Variants in IQCM observed in about 807,000 individuals in gnomAD.
IQCM encodes the protein IQ domain-containing protein M.
IQCM carries 45 observed loss-of-function variants against 57.6 expected under a neutral mutation model. That is an observed-to-expected ratio of 0.78 (90% CI 0.62 to 1.00). The LOEUF is 1.00. Among genes scored for constraint, IQCM ranks in the 50% least tolerant of loss-of-function variants. The pLI is 0.00. For missense variants in IQCM, 468 were observed against 511.6 expected (o/e 0.91, Z 0.82); for synonymous variants, 148 against 158.9 (o/e 0.93, Z 0.51).
At chr4:149,674,453 A>G (rs1478218805) in intron 7 of IQCM, among the ~76,000 whole-genome samples, 2 of 152,138 alleles carry the variant, frequency 1.3e-5, no homozygotes, top group Non-Finnish European at 2.9e-5. Context: ...CCAGATAAGT[A>G]AAATAGGCAG....
At chr4:149,564,425 T>C (rs1157001556) in intron 9 of IQCM, among the ~76,000 whole-genome samples, 1 of 152,154 alleles carries the variant, frequency 6.6e-6, no homozygotes, top group Non-Finnish European at 1.5e-5. Context: ...AATACGGCTA[T>C]GGGTGACTGT....
intron 7 of IQCM, among the ~76,000 whole-genome samples, chr4:149,660,165 G>T (rs1760042176): frequency 6.6e-6 from 1 of 151,208 alleles, no homozygotes; most frequent in Admixed American, 6.6e-5. Context: ...TCAAAAAGTG[G>T]GTGAAGGATA....
chr4:149,725,613 C>T (rs1462907714), intron 5 of IQCM, among the ~76,000 whole-genome samples: 1 of 151,648 alleles, frequency 6.6e-6, no homozygotes, highest in Non-Finnish European at 1.5e-5. Context: ...ATAAAATCTT[C>T]ACTTCCCTCT....
intron 13 of IQCM, among the ~76,000 whole-genome samples, chr4:149,418,762 A>T (rs1022562056): frequency 6.6e-6 from 1 of 152,160 alleles, no homozygotes; most frequent in Non-Finnish European, 1.5e-5. Flanking sequence ...TCAGCCCAAA[A>T]GCTTCTTAAG....
At chr4:149,750,831 TTAAA>T (rs1768368188) in intron 2 of IQCM, among the ~76,000 whole-genome samples, 1 of 152,142 alleles carries the variant, frequency 6.6e-6, no homozygotes, top group Non-Finnish European at 1.5e-5. Context: ...TTACAACAAA[TTAAA>T]TACACTAAAT....
intron 13 of IQCM, among the ~76,000 whole-genome samples, chr4:149,388,711 T>A (rs1484001164): frequency 6.9e-6 from 1 of 145,290 alleles, no homozygotes; most frequent in African/African-American, 2.5e-5. Context: ...TCTCTGATTA[T>A]ATATGTCCTT....
At chr4:149,429,441 C>G (rs1425116221) in intron 13 of IQCM, among the ~76,000 whole-genome samples, 1 of 151,826 alleles carries the variant, frequency 6.6e-6, no homozygotes, top group African/African-American at 2.4e-5. Context: ...ACTTATGCAG[C>G]ATTCCAGTTA....
intron 9 of IQCM, among the ~76,000 whole-genome samples, chr4:149,564,170 A>G (rs1750392977): frequency 2.0e-5 from 3 of 152,226 alleles, no homozygotes; most frequent in Admixed American, 2.0e-4. Flanking sequence ...TCCAAAGAGA[A>G]TGTTTTCATA....
intron 2 of IQCM, among the ~76,000 whole-genome samples, chr4:149,746,710 T>G (rs1032601563): frequency 3.9e-5 from 6 of 152,310 alleles, no homozygotes; most frequent in East Asian, 1.9e-4. Context: ...GTAAAATTTT[T>G]GGGCAAGAAG....
chr4:149,591,979 G>A, intron 8 of IQCM, among the ~76,000 whole-genome samples: 1 of 152,084 alleles, frequency 6.6e-6, no homozygotes, highest in Non-Finnish European at 1.5e-5. Context: ...GTAACGGGAT[G>A]GCTGGGTCAA....
intron 2 of IQCM, among the ~76,000 whole-genome samples, chr4:149,750,676 T>C (rs1292685292): frequency 6.6e-6 from 1 of 152,230 alleles, no homozygotes; most frequent in Non-Finnish European, 1.5e-5. Context: ...TTCTCCCAGT[T>C]ATTAATCTCA....
chr4:149,680,994 G>A (rs931361735), intron 7 of IQCM, among the ~76,000 whole-genome samples: 31 of 151,434 alleles, frequency 2.0e-4, no homozygotes, highest in South Asian at 4.1e-4. Flanking sequence ...TCTGCAAGAT[G>A]ATGACACAAC....
rs566334139 is a variant in IQCM at position 149,668,765 on chromosome 4, A to G, written c.565+13353T>C. Among the ~76,000 whole-genome samples, 8 of 152,332 alleles carry G rather than the reference A, an allele frequency of 5.3e-5. No homozygotes were observed. In the South Asian group the frequency reaches 1.2e-3, roughly 24 times the overall value. The stretch of plus-strand genomic sequence containing the variant: ...GTTTGGTCAGAGCTGATCAACGTGA[A>G]GAGCAGGAAGAAATACCAGTACATA... On this transcript the variant is annotated intron_variant, in intron 7 of 13. Coordinates refer to ENST00000636793, the MANE Select transcript of IQCM (RefSeq NM_001363507.2).
chr4:149,687,226 C>T (rs17687166), intron 5 of IQCM, among the ~76,000 whole-genome samples: 3,423 of 151,336 alleles, frequency 0.023, 98 homozygotes, highest in South Asian at 0.14. Flanking sequence ...AAAAGAAGAG[C>T]GTATTAGACT....
At chr4:149,524,208 C>A (rs920749541) in intron 12 of IQCM, among the ~76,000 whole-genome samples, 1 of 152,098 alleles carries the variant, frequency 6.6e-6, no homozygotes, top group African/African-American at 2.4e-5. Context: ...ACAAATTATT[C>A]TATGGTAATA....
chr4:149,586,871 C>G (rs1752693642), intron 9 of IQCM, among the ~76,000 whole-genome samples: 1 of 151,624 alleles, frequency 6.6e-6, no homozygotes, highest in Non-Finnish European at 1.5e-5. Flanking sequence ...ATTCCAACAT[C>G]CATAGAAAGA....
At chr4:149,668,886 AG>A (rs1255910996) in intron 7 of IQCM, among the ~76,000 whole-genome samples, 1 of 152,178 alleles carries the variant, frequency 6.6e-6, no homozygotes, top group Non-Finnish European at 1.5e-5. Context: ...TTCTCCAAAG[AG>A]AAAGAGGAGA....
intron 12 of IQCM, among the ~76,000 whole-genome samples, chr4:149,503,059 A>G (rs866947317): frequency 9.2e-5 from 14 of 151,964 alleles, no homozygotes; most frequent in Admixed American, 5.9e-4. Flanking sequence ...CAAAAAAAAA[A>G]TTGTTATTTT....
chr4:149,447,496 C>CTGAGATGAAAAACACAGTTGA (rs1320216077), intron 12 of IQCM, among the ~76,000 whole-genome samples: 1 of 151,480 alleles, frequency 6.6e-6, no homozygotes, highest in Non-Finnish European at 1.5e-5. Context: ...ACATACAAAT[C>CTGAGATGAAAAACACAGTTGA]TGAGATGAAA....
Sources: gnomAD v4.1 joint callset for allele counts (sites outside exome capture counted in the v4.1 genomes callset) on GRCh38, gnomAD v4.1.1 for gene constraint, MANE v1.5 for transcripts, NCBI Gene and HGNC (gene_info 2026-07-23, HGNC 2026-07-21) for gene names.